The following STXBP5L variants were observed in gnomAD, a reference collection of about 807,000 sequenced individuals.
STXBP5L encodes the protein syntaxin binding protein 5L.
Under a neutral mutation model 144.5 loss-of-function variants are expected in STXBP5L, and 65 were observed. The observed-to-expected ratio is 0.45, with a 90% CI of 0.37 to 0.55. STXBP5L has a LOEUF of 0.55. Ranked by LOEUF, STXBP5L falls within the 20% of genes least tolerant of loss-of-function variation. The pLI, the probability that STXBP5L is intolerant of heterozygous loss-of-function variation, is 0.00. For synonymous variants in STXBP5L, 505 were observed against 469.6 expected (o/e 1.08, Z -0.97); for missense variants, 1,298 against 1,405.5 (o/e 0.92, Z 1.22).
chr3:120,990,817 A>T (rs538275903), intron 3 of STXBP5L, among the ~76,000 whole-genome samples: 1 of 152,224 alleles, frequency 6.6e-6, no homozygotes, highest in Non-Finnish European at 1.5e-5. Context: ...TACACGTTAT[A>T]CAAAAATTAA....
chr3:121,002,758 A>G (rs528510922), intron 3 of STXBP5L, among the ~76,000 whole-genome samples: 1 of 119,812 alleles, frequency 8.3e-6, no homozygotes, highest in South Asian at 2.5e-4. Flanking sequence ...TCCTGTGTCC[A>G]TGTGTTCTCA....
intron 3 of STXBP5L, among the ~76,000 whole-genome samples, chr3:120,957,672 G>A (rs1005435572): frequency 6.6e-6 from 1 of 151,992 alleles, no homozygotes; most frequent in East Asian, 1.9e-4. Context: ...AGTACATAAC[G>A]AAATGAAGGT....
intron 22 of STXBP5L, among the ~76,000 whole-genome samples, chr3:121,398,776 A>AT (rs2108727140): frequency 6.6e-6 from 1 of 152,310 alleles, no homozygotes; most frequent in South Asian, 2.1e-4. Context: ...ATAATCAACT[A>AT]AATGTGCTTT....
At chr3:121,025,774 C>A (rs927294067) in intron 3 of STXBP5L, among the ~76,000 whole-genome samples, 1 of 150,994 alleles carries the variant, frequency 6.6e-6, no homozygotes, top group East Asian at 1.9e-4. Context: ...AATGAATAAA[C>A]ATCCTACTAA....
intron 20 of STXBP5L, among the ~76,000 whole-genome samples, chr3:121,349,227 T>C (rs1208649003): frequency 6.6e-6 from 1 of 152,164 alleles, no homozygotes; most frequent in African/African-American, 2.4e-5. Context: ...CCAGTAGTCA[T>C]TCAGGAGCAG....
chr3:121,036,046 T>C (rs1025395660), intron 3 of STXBP5L, among the ~76,000 whole-genome samples: 4 of 152,088 alleles, frequency 2.6e-5, no homozygotes, highest in African/African-American at 9.7e-5. Context: ...TATTTAAAAA[T>C]TTGGGGGCTG....
At chr3:120,909,441 A>C in intron 1 of STXBP5L, 130 bp from the exon 2 acceptor site, 1 of 758,708 alleles carries the variant, frequency 1.3e-6, no homozygotes, top group Non-Finnish European at 2.0e-6. Context: ...CTTTTTTTCC[A>C]GTCGGTCGTA....
rs949525181 is a variant in STXBP5L, at chr3:121,420,824, A to C, written c.*1727A>C. ...CTTTTTAGTCTAATTTTTTGCTAGA[A>C]GTTGTACTTTCTAGCAAATGTTTCT... On this transcript the variant is annotated 3_prime_UTR_variant, in exon 27 of 27. Transcript: ENST00000471454. 2 of 152,088 alleles carry C rather than the reference A, an allele frequency of 1.3e-5. No homozygotes were observed. Among genetic ancestry groups the C allele is most frequent in the African/African-American group, 4.8e-5 (2 of 41,440 alleles). The allele number at this position is 152,088 out of a possible 1,614,324, so 9.4% of individuals were successfully genotyped here. A position where few individuals can be genotyped will look rare whatever the true frequency, so the allele number is the denominator to read the frequency against.
At chr3:121,145,141 T>C (rs930077609) in intron 7 of STXBP5L, among the ~76,000 whole-genome samples, 2 of 151,778 alleles carry the variant, frequency 1.3e-5, no homozygotes, top group Admixed American at 1.3e-4. Flanking sequence ...TATAAATTTG[T>C]TAATAGGGTA....
At chr3:121,074,457 T>C (rs930708130) in intron 5 of STXBP5L, among the ~76,000 whole-genome samples, 12 of 152,042 alleles carry the variant, frequency 7.9e-5, no homozygotes, top group African/African-American at 2.9e-4. Flanking sequence ...AAGGAGCCAG[T>C]CTATATGCTT....
intron 9 of STXBP5L, among the ~76,000 whole-genome samples, chr3:121,165,648 G>A (rs76331339): frequency 0.02 from 3,044 of 151,920 alleles, 40 homozygotes; most frequent in Non-Finnish European, 0.029. Context: ...TGGGTGAAAA[G>A]GAAAAAAAGG....
chr3:121,004,645 G>A (rs1239169408), intron 3 of STXBP5L, among the ~76,000 whole-genome samples: 1 of 152,128 alleles, frequency 6.6e-6, no homozygotes, highest in African/African-American at 2.4e-5. Flanking sequence ...CAAAGGGAAT[G>A]CTTCCAGTTT....
chr3:121,372,132 G>T (rs1347369374), intron 20 of STXBP5L, among the ~76,000 whole-genome samples: 2 of 152,166 alleles, frequency 1.3e-5, no homozygotes, highest in African/African-American at 4.8e-5. Flanking sequence ...CACTCTGCCA[G>T]TCAGGCACAG....
intron 9 of STXBP5L, among the ~76,000 whole-genome samples, chr3:121,178,841 G>A (rs955925692): frequency 7.2e-5 from 11 of 152,052 alleles, no homozygotes; most frequent in African/African-American, 1.9e-4. Context: ...AAGGCAGCCA[G>A]CAGAATTAGG....
At chr3:121,040,615 C>T (rs955278019) in intron 3 of STXBP5L, among the ~76,000 whole-genome samples, 3 of 151,958 alleles carry the variant, frequency 2.0e-5, no homozygotes, top group Non-Finnish European at 2.9e-5. Context: ...TTGTGTGTCA[C>T]ATTTTCTTCT....
chr3:120,919,492 AAT>A lies in STXBP5L; in HGVS notation c.189+9728_189+9729del, dbSNP rs534678886. Among the ~76,000 whole-genome samples the A allele has an allele frequency of 1.2e-4, 18 of 152,124 alleles. No individual in the cohort carries two copies. The South Asian group carries it at 3.5e-3, about 30-fold the overall frequency. On this transcript the variant is annotated intron_variant, in intron 2 of 26. Transcript: ENST00000471454. ...AATAATCTGTACATTACATTTATTG[AAT>A]ATTTACATAATTCAAAAGGTACCTT...
chr3:121,032,250 C>CAA lies in STXBP5L; in HGVS notation c.288-9439_288-9438dup, dbSNP rs11425726. On this transcript the variant is annotated intron_variant, in intron 3 of 26. Coordinates refer to ENST00000471454, the MANE Select transcript of STXBP5L (RefSeq NM_001308330.2). ...CCAAGGGAACTTTAGAAGTGATGGG[C>CAA]AAAAAAAAAAAAGAAATTGGAGAGT... Among the ~76,000 whole-genome samples, 997 of 135,236 alleles carry CAA rather than the reference C, an allele frequency of 7.4e-3. 12 individuals carry two copies. Among genetic ancestry groups the CAA allele is most frequent in the African/African-American group, 0.021 (794 of 37,920 alleles). The allele number at this position is 135,236 out of a possible 152,430, so 88.7% of individuals were successfully genotyped here. A position where few individuals can be genotyped will look rare whatever the true frequency, so the allele number is the denominator to read the frequency against.
chr3:121,056,636 G>T (rs1281925450), intron 5 of STXBP5L, among the ~76,000 whole-genome samples: 1 of 152,048 alleles, frequency 6.6e-6, no homozygotes, highest in East Asian at 1.9e-4. Context: ...TATATTTACT[G>T]GGTTTGACAT....
intron 3 of STXBP5L, among the ~76,000 whole-genome samples, chr3:120,960,166 C>T (rs1462900625): frequency 6.6e-6 from 1 of 152,322 alleles, no homozygotes; most frequent in Admixed American, 6.5e-5. Context: ...AAATGCTCAT[C>T]ATCACTGGGC....
Sources: allele counts gnomAD v4.1 joint callset (sites outside exome capture counted in the v4.1 genomes callset), GRCh38; gene constraint gnomAD v4.1.1; transcripts MANE v1.5; gene names NCBI Gene and HGNC (gene_info 2026-07-23, HGNC 2026-07-21).